TMBIM1: variants seen among roughly 807,000 people sequenced by gnomAD.
The protein encoded by TMBIM1 is protein lifeguard 3.
Under a neutral mutation model 45.1 loss-of-function variants are expected in TMBIM1, and 34 were observed. The ratio of observed to expected loss-of-function variants is 0.75; its 90% CI spans 0.57 to 1.00. The LOEUF is 1.00. TMBIM1 is among the 50% of genes least tolerant of loss of function. The pLI, the probability that TMBIM1 is intolerant of heterozygous loss-of-function variation, is 0.00. For missense variants in TMBIM1, 374 were observed against 402.4 expected (o/e 0.93, Z 0.60); for synonymous variants, 157 against 153.5 (o/e 1.02, Z -0.17).
Position 218,292,092 on chromosome 2 carries a change from C to A in TMBIM1, c.-41+374G>T, listed in dbSNP as rs566950335. Among the ~76,000 whole-genome samples the A allele has an allele frequency of 5.9e-5, 9 of 152,320 alleles. No individual in the cohort carries two copies. In the East Asian group the frequency reaches 1.7e-3, roughly 29 times the overall value. On this transcript the variant is annotated intron_variant, in intron 1 of 11. Transcript: ENST00000258412. Reference sequence around the variant, plus strand: ...CTGAGGGCCATGAAAGCCCTCATCCCACACAGCTGGCCACTCGGGCTGGCA... The same window carrying A: ...CTGAGGGCCATGAAAGCCCTCATCCAACACAGCTGGCCACTCGGGCTGGCA...
At position 218,282,495 on chromosome 2, in the gene TMBIM1, T is replaced by C. The variant is rs948438392; in HGVS notation, c.-40-314A>G. ...AGCCTGGGAACTCCCTGTTGTGGTT[T>C]AAGAAAACCTTCCAGTTTTGGTGGC... On this transcript the variant is annotated intron_variant, in intron 1 of 11. Transcript: ENST00000258412. Among the ~76,000 whole-genome samples, 14 of 152,204 alleles carry C rather than the reference T, an allele frequency of 9.2e-5. 1 individual carries two copies. Among genetic ancestry groups the C allele is most frequent in the Admixed American group, 6.5e-4 (10 of 15,288 alleles).
intron 10 of TMBIM1, 74 bp from the exon 11 acceptor site, chr2:218,276,153 C>T (rs373122426): frequency 3.7e-5 from 56 of 1,523,798 alleles, no homozygotes; most frequent in Admixed American, 9.4e-5. Context: ...CAGCTTCCCC[C>T]GGGATAGTGG....
chr2:218,279,700 G>A (rs1010744505), intron 3 of TMBIM1, among the ~76,000 whole-genome samples: 1 of 152,210 alleles, frequency 6.6e-6, no homozygotes, highest in Non-Finnish European at 1.5e-5. Context: ...CAAGCGAGTA[G>A]GATCATTTCT....
intron 1 of TMBIM1, among the ~76,000 whole-genome samples, chr2:218,289,175 A>T (rs1692753370): frequency 6.6e-6 from 1 of 152,246 alleles, no homozygotes; most frequent in South Asian, 2.1e-4. Flanking sequence ...AAAGGAGCTG[A>T]GCAAGCTGTT....
chr2:218,276,815 T>G (rs1308468404), intron 10 of TMBIM1, among the ~76,000 whole-genome samples, 189 bp downstream of exon 10: 1 of 152,028 alleles, frequency 6.6e-6, no homozygotes, highest in African/African-American at 2.4e-5. Context: ...AGGCCGCCCA[T>G]CTCCACACAG....
At chr2:218,287,411 A>T (rs1692607952) in intron 1 of TMBIM1, 1 of 152,574 alleles carries the variant, frequency 6.6e-6, no homozygotes, top group African/African-American at 2.4e-5. Context: ...CTCTCAGCTC[A>T]GAAACAGTTA....
At chr2:218,291,822 G>C (rs972954636) in intron 1 of TMBIM1, among the ~76,000 whole-genome samples, 6 of 152,202 alleles carry the variant, frequency 3.9e-5, no homozygotes, top group Non-Finnish European at 7.3e-5. Flanking sequence ...ACCCAGCCGG[G>C]AAACAGTGGC....
Position 218,276,032 on chromosome 2 carries a change from G to A in TMBIM1, c.783C>T (p.Phe261=). 1.2e-6 allele frequency: 2 copies of A among 1,612,408 alleles called. No individual in the cohort carries two copies. The highest frequency in any genetic ancestry group is 2.2e-5 in the East Asian group (1 of 44,866). The change falls in exon 11 of 12, where the codon TTC becomes TTT. Residue 261 remains phenylalanine (F), a synonymous_variant. Coordinates refer to ENST00000258412, the MANE Select transcript of TMBIM1 (RefSeq NM_022152.6). ...GAGTGGGGCTGGGACTTACCAGGGT[G>A]AAACAAATGGCCCCCAGAGCAGCAT... The part of the protein sequence containing the change: ...MLYAALGAIC[F]TLFLAYDTQL...
chr2:218,276,175 G>A lies in TMBIM1; in HGVS notation c.736-96C>T. ...CCCCGGGATAGTGGCATGAGAGTGG[G>A]TAGAGCTGGGAAGCTAGCTCTCCAT... On this transcript the variant is annotated intron_variant, in intron 10 of 11. Transcript: ENST00000258412. 3.7e-6 allele frequency: 5 copies of A among 1,359,106 alleles called. No homozygotes were observed. In the South Asian group the frequency reaches 5.0e-5, roughly 14 times the overall value. 84.2% of individuals were successfully genotyped at this position (1,359,106 alleles called of 1,614,324 possible). A position where few individuals can be genotyped will look rare whatever the true frequency, so the allele number is the denominator to read the frequency against.
At chr2:218,278,387 G>T in intron 6 of TMBIM1, 128 bp downstream of exon 6, 2 of 982,730 alleles carry the variant, frequency 2.0e-6, no homozygotes, top group Non-Finnish European at 3.2e-6. Context: ...AGCTGTCATC[G>T]TCATCCTCCT....
In TMBIM1 at chr2:218,275,433, G is replaced by A. The variant is rs563258520; in HGVS notation, c.*42C>T. Reference sequence around the variant, plus strand: ...TCATAGGGCCCAGCCCTCTAGCTTGGAAGGGAGAGCCCAGGATCGGGTGAA... The same window carrying A: ...TCATAGGGCCCAGCCCTCTAGCTTGAAAGGGAGAGCCCAGGATCGGGTGAA... On this transcript the variant is annotated 3_prime_UTR_variant, in exon 12 of 12. Coordinates refer to ENST00000258412, the MANE Select transcript of TMBIM1 (RefSeq NM_022152.6). 12 of 1,590,920 alleles carry A rather than the reference G, an allele frequency of 7.5e-6. No homozygotes were observed. The South Asian group carries it at 1.3e-4, about 17-fold the overall frequency.
At chr2:218,279,389 G>C in intron 3 of TMBIM1, 36 bp from the exon 4 acceptor site, 3 of 1,521,662 alleles carry the variant, frequency 2.0e-6, no homozygotes, top group Non-Finnish European at 2.6e-6. Context: ...TCACCATCCG[G>C]CACCCCTGGC....
intron 1 of TMBIM1, among the ~76,000 whole-genome samples, chr2:218,285,021 C>T (rs1692391331): frequency 1.3e-5 from 2 of 152,156 alleles, no homozygotes; most frequent in Admixed American, 6.5e-5. Flanking sequence ...ACCTGGGAGG[C>T]GGAGATTCCA....
At chr2:218,283,674 C>A (rs1447305357) in intron 1 of TMBIM1, among the ~76,000 whole-genome samples, 1 of 152,098 alleles carries the variant, frequency 6.6e-6, no homozygotes, top group Non-Finnish European at 1.5e-5. Flanking sequence ...TTGCATAGTT[C>A]GGGGATCAAA....
intron 2 of TMBIM1, chr2:218,281,141 G>GTTTTTTTTTGGT (rs1559504843): frequency 0.61 from 58,435 of 95,282 alleles, 15,621 homozygotes; most frequent in South Asian, 0.68. Context: ...TTTTTTTTTG[G>GTTTTTTTTTGGT]TTTTTTTTTT....
At chr2:218,287,470 G>T (rs1692613303) in intron 1 of TMBIM1, among the ~76,000 whole-genome samples, 1 of 152,168 alleles carries the variant, frequency 6.6e-6, no homozygotes, top group Admixed American at 6.5e-5. Context: ...AGCACTTTGG[G>T]AGGCCGAGGC....
intron 1 of TMBIM1, among the ~76,000 whole-genome samples, chr2:218,283,849 A>G (rs1692261260): frequency 6.6e-6 from 1 of 152,120 alleles, no homozygotes; most frequent in South Asian, 2.1e-4. Flanking sequence ...CTGGGATAGA[A>G]CCAGGGCAAG....
At chr2:218,277,911 C>T (rs1198901883) in intron 7 of TMBIM1, 24 bp downstream of exon 7, 125 of 1,614,000 alleles carry the variant, frequency 7.7e-5, no homozygotes, top group Non-Finnish European at 1.0e-4. Context: ...TCTCCACACC[C>T]TCCTGCCACC....
At position 218,289,808 on chromosome 2, in the gene TMBIM1, C is replaced by T. The variant is rs569599930; in HGVS notation, c.-41+2658G>A. Among the ~76,000 whole-genome samples, 50 of 152,156 alleles carry T rather than the reference C, an allele frequency of 3.3e-4. 1 individual carries two copies. The South Asian group carries it at 6.4e-3, about 20-fold the overall frequency. ...CATCTTCAGAGGCAGAAGTACATGGCATGTTCTCAGTATGGGGCTGTCCAC... is the reference window on the plus strand; with the variant it reads ...CATCTTCAGAGGCAGAAGTACATGGTATGTTCTCAGTATGGGGCTGTCCAC... On this transcript the variant is annotated intron_variant, in intron 1 of 11. Transcript: ENST00000258412.
Sources: gnomAD v4.1 joint callset for allele counts (sites outside exome capture counted in the v4.1 genomes callset) on GRCh38, gnomAD v4.1.1 for gene constraint, MANE v1.5 for transcripts, NCBI Gene and HGNC (gene_info 2026-07-23, HGNC 2026-07-21) for gene names.